GRIK4: variants seen among roughly 807,000 people sequenced by gnomAD.
The protein encoded by GRIK4 is glutamate receptor ionotropic, kainate 4.
A neutral mutation model predicts 104.9 loss-of-function variants in GRIK4; 40 were observed. That is an observed-to-expected ratio of 0.38 (90% CI 0.30 to 0.50). GRIK4 has a LOEUF of 0.50. Ranked by LOEUF, GRIK4 falls within the 20% of genes least tolerant of loss-of-function variation. The pLI is 0.93. For synonymous variants in GRIK4, 485 were observed against 524.9 expected, an observed-to-expected ratio of 0.92 and a Z score of 1.04; for missense variants, 1,047 against 1,308.1, an observed-to-expected ratio of 0.80 and a Z score of 3.08.
At chr11:120,581,899 C>T (rs1317183445) in intron 1 of GRIK4, among the ~76,000 whole-genome samples, 3 of 151,932 alleles carry the variant, frequency 2.0e-5, no homozygotes, top group Admixed American at 6.6e-5. Flanking sequence ...CTCCACCTCC[C>T]GGGTTCACGC....
At position 120,668,879 on chromosome 11, in the gene GRIK4, T is replaced by G. The variant is rs151057912; in HGVS notation, c.82+8479T>G. Among the ~76,000 whole-genome samples the G allele has an allele frequency of 9.4e-4, 143 of 152,370 alleles. 1 individual carries two copies. The highest frequency in any genetic ancestry group is 3.4e-3 in the African/African-American group (140 of 41,592). On this transcript the variant is annotated intron_variant, in intron 3 of 20. Coordinates refer to ENST00000527524, the MANE Select transcript of GRIK4 (RefSeq NM_014619.5). ...TGGGCTAATAGTAGTCCCTGTTTTA[T>G]GCTTTTATAAGAATTCAATAAGTTC...
At chr11:120,792,683 A>T (rs992073223) in intron 3 of GRIK4, among the ~76,000 whole-genome samples, 2 of 152,178 alleles carry the variant, frequency 1.3e-5, no homozygotes, top group African/African-American at 4.8e-5. Context: ...TGAAGGCACG[A>T]TGCCTGGGTA....
At chr11:120,981,469 A>G (rs750941620) in intron 19 of GRIK4, among the ~76,000 whole-genome samples, 4 of 152,166 alleles carry the variant, frequency 2.6e-5, no homozygotes, top group African/African-American at 4.8e-5. Context: ...CCTGGGCCCC[A>G]TGTCCAGAGA....
At chr11:120,822,232 A>AAAAAAAG (rs796180829) in intron 6 of GRIK4, among the ~76,000 whole-genome samples, 48 of 147,150 alleles carry the variant, frequency 3.3e-4, no homozygotes, top group African/African-American at 1.2e-3. Flanking sequence ...AAAAAAAAAA[A>AAAAAAAG]AAAGACAGTA....
rs377384643 is a variant in GRIK4, at chr11:120,621,122, G to A, written c.-158-32563G>A. 4.6e-5 allele frequency among the ~76,000 whole-genome samples: 7 copies of A among 152,306 alleles called. No homozygotes were observed. The East Asian group carries it at 7.7e-4, about 17-fold the overall frequency. ...ACAGCTTGTCACACACAAACCCCAA[G>A]CTCAAAGCCTCTGTGAAGTAAGAAA... On this transcript the variant is annotated intron_variant, in intron 1 of 20. Coordinates refer to ENST00000527524, the MANE Select transcript of GRIK4 (RefSeq NM_014619.5).
chr11:120,867,146 G>A (rs913884910), intron 9 of GRIK4, among the ~76,000 whole-genome samples: 1 of 152,066 alleles, frequency 6.6e-6, no homozygotes, highest in South Asian at 2.1e-4. Flanking sequence ...AAGGGAAGGT[G>A]TTGCGGACTC....
chr11:120,542,278 T>G (rs150980856), intron 1 of GRIK4, among the ~76,000 whole-genome samples: 1 of 152,352 alleles, frequency 6.6e-6, no homozygotes, highest in African/African-American at 2.4e-5. Context: ...TGGACCTATA[T>G]CTTATGCCAT....
intron 13 of GRIK4, among the ~76,000 whole-genome samples, chr11:120,923,656 G>T (rs371540395): frequency 6.6e-6 from 1 of 151,968 alleles, no homozygotes; most frequent in African/African-American, 2.4e-5. Context: ...CTCGTGATCC[G>T]CCCGGCTCGG....
chr11:120,979,746 CAGA>C (rs1944619335), intron 19 of GRIK4, among the ~76,000 whole-genome samples: 1 of 152,232 alleles, frequency 6.6e-6, no homozygotes, highest in South Asian at 2.1e-4. Context: ...ACACAGGTAG[CAGA>C]AGAAGACCTA....
At chr11:120,798,157 C>CT (rs539833846) in intron 3 of GRIK4, among the ~76,000 whole-genome samples, 31,872 of 68,050 alleles carry the variant, frequency 0.47, 8,172 homozygotes, top group East Asian at 0.63. Context: ...TCTGCTGTCT[C>CT]TTTTTTTTTT....
intron 1 of GRIK4, among the ~76,000 whole-genome samples, chr11:120,512,660 G>C (rs1031165257): frequency 2.8e-4 from 42 of 151,868 alleles, no homozygotes; most frequent in Non-Finnish European, 5.5e-4. Context: ...GGCGGAGGGG[G>C]AGGGGAGCTG....
intron 3 of GRIK4, among the ~76,000 whole-genome samples, chr11:120,698,739 C>T (rs535675324): frequency 1.3e-5 from 2 of 152,194 alleles, no homozygotes; most frequent in Non-Finnish European, 2.9e-5. Context: ...GAGTTCTGCC[C>T]CCATCCTCTT....
At chr11:120,607,100 G>A (rs1185429149) in intron 1 of GRIK4, among the ~76,000 whole-genome samples, 2 of 152,204 alleles carry the variant, frequency 1.3e-5, no homozygotes, top group Non-Finnish European at 2.9e-5. Context: ...CAAGACCAGA[G>A]GCAAGGATGC....
rs115476473 is a variant in GRIK4 at position 120,847,046 on chromosome 11, C to G, written c.744+10202C>G. Among the ~76,000 whole-genome samples the G allele has an allele frequency of 1.6e-3, 246 of 152,324 alleles. 2 individuals carry two copies. The highest frequency in any genetic ancestry group is 5.6e-3 in the African/African-American group (233 of 41,570). On this transcript the variant is annotated intron_variant, in intron 8 of 20. Transcript: ENST00000527524. ...CCTCACCTGCTCCGTAGAGCCCTGA[C>G]AAATGACAGGGCAATCTGAAAATCC...
chr11:120,516,539 C>CA (rs555096694), intron 1 of GRIK4, among the ~76,000 whole-genome samples: 86 of 151,938 alleles, frequency 5.7e-4, no homozygotes, highest in African/African-American at 2.0e-3. Flanking sequence ...CCCTGGCCAC[C>CA]AAACAGAGAA....
At chr11:120,656,289 C>T (rs1017854963) in intron 2 of GRIK4, among the ~76,000 whole-genome samples, 6 of 152,192 alleles carry the variant, frequency 3.9e-5, no homozygotes, top group Non-Finnish European at 8.8e-5. Flanking sequence ...ACCTGGTTAG[C>T]CTTGGCTCTA....
intron 1 of GRIK4, among the ~76,000 whole-genome samples, chr11:120,601,547 G>T (rs998731989): frequency 6.6e-6 from 1 of 152,060 alleles, no homozygotes; most frequent in African/African-American, 2.4e-5. Context: ...CGGGGTGTGG[G>T]GGGGCGCAAA....
intron 13 of GRIK4, among the ~76,000 whole-genome samples, chr11:120,925,242 T>C (rs1416821869): frequency 1.3e-5 from 2 of 152,124 alleles, no homozygotes; most frequent in Non-Finnish European, 2.9e-5. Context: ...GGCCCGTGAA[T>C]CTCACCATTC....
At chr11:120,529,959 C>A (rs185706036) in intron 1 of GRIK4, among the ~76,000 whole-genome samples, 4 of 152,200 alleles carry the variant, frequency 2.6e-5, no homozygotes, top group African/African-American at 9.6e-5. Context: ...GCTAGGATCC[C>A]GTTCTCCTTT....
Sources: gnomAD v4.1 joint callset for allele counts (sites outside exome capture counted in the v4.1 genomes callset) on GRCh38, gnomAD v4.1.1 for gene constraint, MANE v1.5 for transcripts, NCBI Gene and HGNC (gene_info 2026-07-23, HGNC 2026-07-21) for gene names.